Variants in HMCN2 observed in about 807,000 individuals in gnomAD.
HMCN2 encodes hemicentin-2.
HMCN2 carries 325 observed loss-of-function variants against 377.5 expected under a neutral mutation model. That is an observed-to-expected ratio of 0.86 (90% CI 0.79 to 0.94). HMCN2 has a LOEUF of 0.94. Among genes scored for constraint, HMCN2 ranks in the 40% least tolerant of loss-of-function variants. HMCN2 has a pLI of 0.00. For synonymous variants in HMCN2, 2,007 were observed against 2,046.8 expected (o/e 0.98, Z 0.53); for missense variants, 4,543 against 4,725.3 (o/e 0.96, Z 1.13).
At chr9:130,431,601 T>G in intron 96 of HMCN2, 115 bp downstream of exon 96, 1 of 1,413,250 alleles carries the variant, frequency 7.1e-7, no homozygotes. Context: ...ACAACTATCC[T>G]GTGAGGTGGG....
intron 4 of HMCN2, among the ~76,000 whole-genome samples, chr9:130,287,978 T>A (rs1554928620): frequency 1.3e-5 from 2 of 152,216 alleles, no homozygotes; most frequent in African/African-American, 4.8e-5. Context: ...CAGATGGCGT[T>A]TATGGTTCTC....
rs556947406 is a variant in HMCN2, at chr9:130,387,893, A to C, written c.9392-516A>C. Among the ~76,000 whole-genome samples the C allele has an allele frequency of 1.2e-4, 19 of 152,358 alleles. No individual in the cohort carries two copies. The South Asian group carries it at 3.9e-3, about 32-fold the overall frequency. ...GGAGTTTGAGATCAGACTGGGCGAC[A>C]TAGTGAGAAGCTTGAATCTACAAAA... On this transcript the variant is annotated intron_variant, in intron 61 of 97. Coordinates refer to ENST00000683500, the MANE Select transcript of HMCN2 (RefSeq NM_001291815.2).
intron 31 of HMCN2, 111 bp from the exon 32 acceptor site, chr9:130,354,652 G>T: frequency 1.1e-6 from 1 of 942,564 alleles, no homozygotes; most frequent in Non-Finnish European, 1.4e-6. Flanking sequence ...GGAAGGAAGT[G>T]TTTCACATGG....
Position 130,377,742 on chromosome 9 carries a change from T to C in HMCN2, c.8155T>C (p.Cys2719Arg). ...GGTCTCAGACTCGGGGCGGTACCTG[T>C]GTGTGGCCACCAATGTGGCTGGCGA... ...TQVSDSGRYL[C>R]VATNVAGEDD... Residue 2719 changes from cysteine to arginine, a missense_variant, in exon 53 of 98, where the codon TGT becomes CGT. By Grantham distance (180) the Cys-to-Arg change is radical (BLOSUM62 -3). This residue lies in a region of HMCN2 where 736 missense variants were observed against 773.2 expected (regional missense o/e 0.95). Transcript: ENST00000683500. 1.0e-6 allele frequency: 1 copy of C among 985,876 alleles called. No individual in the cohort carries two copies. The highest frequency in any genetic ancestry group is 1.2e-6 in the Non-Finnish European group (1 of 829,962). 61.1% of individuals were successfully genotyped at this position (985,876 alleles called of 1,614,324 possible). A position where few individuals can be genotyped will look rare whatever the true frequency, so the allele number is the denominator to read the frequency against.
chr9:130,310,886 C>G (rs1229924246), intron 15 of HMCN2, among the ~76,000 whole-genome samples: 1 of 152,180 alleles, frequency 6.6e-6, no homozygotes, highest in Non-Finnish European at 1.5e-5. Flanking sequence ...TACTCCCCTC[C>G]TTGGGTTGCT....
At chr9:130,291,235 G>A (rs1165777290) in intron 4 of HMCN2, among the ~76,000 whole-genome samples, 2 of 152,110 alleles carry the variant, frequency 1.3e-5, no homozygotes, top group African/African-American at 2.4e-5. Context: ...TTGTGATGGA[G>A]TTTTGCTCTT....
intron 75 of HMCN2, among the ~76,000 whole-genome samples, chr9:130,399,288 A>G (rs1355649000): frequency 6.6e-6 from 1 of 152,136 alleles, no homozygotes; most frequent in Non-Finnish European, 1.5e-5. Context: ...CATTTTTAAA[A>G]ATTGGAAAAC....
rs1003509227 is a variant in HMCN2 at position 130,385,642 on chromosome 9, C to T, written c.9189C>T (p.Cys3063=). ...VRVGDKAVLS[C]ETDALPEPTV... ...TCGGGGACAAAGCTGTCCTGAGCTG[C>T]GAGACAGATGCGCTCCCTGAGCCAA... The change falls in exon 60 of 98, where the codon TGC becomes TGT. Residue 3063 remains cysteine, a synonymous_variant. Coordinates refer to ENST00000683500, the MANE Select transcript of HMCN2 (RefSeq NM_001291815.2). 64 of 1,304,194 alleles carry T rather than the reference C, an allele frequency of 4.9e-5. No individual in the cohort carries two copies. Among genetic ancestry groups the T allele is most frequent in the Admixed American group, 2.5e-4 (11 of 43,560 alleles). 80.8% of individuals were successfully genotyped at this position (1,304,194 alleles called of 1,614,324 possible). A position where few individuals can be genotyped will look rare whatever the true frequency, so the allele number is the denominator to read the frequency against.
intron 80 of HMCN2, 49 bp from the exon 81 acceptor site, chr9:130,404,820 A>C: frequency 4.3e-6 from 5 of 1,170,464 alleles, no homozygotes; most frequent in Non-Finnish European, 5.4e-6. Context: ...GGATGGTGTC[A>C]GCCGCCTCCC....
chr9:130,314,171 G>A (rs1403820772), intron 15 of HMCN2, among the ~76,000 whole-genome samples: 1 of 152,136 alleles, frequency 6.6e-6, no homozygotes, highest in African/African-American at 2.4e-5. Context: ...GGGCCGAGCT[G>A]GGGAACAGGA....
rs530827122 is a variant in HMCN2 at position 130,397,514 on chromosome 9, C to T, written c.11199-14C>T. On this transcript the variant is annotated splice_polypyrimidine_tract_variant and intron_variant, in intron 73 of 97. Coordinates refer to ENST00000683500, the MANE Select transcript of HMCN2 (RefSeq NM_001291815.2). ...TGGCTTGCTCATCTCCAGGGCAACC[C>T]CCATCCATTCTAGGTTTGAAATTCT... 6.2e-6 allele frequency: 8 copies of T among 1,289,734 alleles called. No individual in the cohort carries two copies. Among genetic ancestry groups the T allele is most frequent in the East Asian group, 5.6e-5 (1 of 18,018 alleles). 79.9% of individuals were successfully genotyped at this position (1,289,734 alleles called of 1,614,324 possible).
At position 130,349,117 on chromosome 9, in the gene HMCN2, A is replaced by G. The variant is rs779560220; in HGVS notation, c.4289A>G (p.His1430Arg). 20 of 1,304,040 alleles carry G rather than the reference A, an allele frequency of 1.5e-5. No homozygotes were observed. The highest frequency in any genetic ancestry group is 4.3e-4 in the Middle Eastern group (2 of 4,696). The allele number at this position is 1,304,040 out of a possible 1,614,324, so 80.8% of individuals were successfully genotyped here. Residue 1430 changes from histidine to arginine, a missense_variant, in exon 28 of 98, where the codon CAT becomes CGT. By Grantham distance (29) the His-to-Arg change is conservative. Transcript: ENST00000683500. The stretch of plus-strand genomic sequence containing the variant: ...GCTGGCACCGCCCAGAGGGACTTCC[A>G]TCTCCTTGTGCTCAGTGAGTGAGAC... Reference protein sequence around the residue: ...NQAGTAQRDFHLLVLTPPSVL... With the variant: ...NQAGTAQRDFRLLVLTPPSVL...
rs1325616543 is a variant in HMCN2 at position 130,393,470 on chromosome 9, T to A, written c.10234+161T>A. Among the ~76,000 whole-genome samples the A allele has an allele frequency of 6.6e-6, 1 of 152,232 alleles. No homozygotes were observed. Among genetic ancestry groups the A allele is most frequent in the African/African-American group, 2.4e-5 (1 of 41,462 alleles). ...GTCTCTGACTCACTGTATTGCTCGT[T>A]TGTACCTCACAAGTGGCTGTGGGCA... On this transcript the variant is annotated intron_variant, in intron 67 of 97. Coordinates refer to ENST00000683500, the MANE Select transcript of HMCN2 (RefSeq NM_001291815.2). The surrounding 1 kb of genome is among the most constrained non-coding windows in gnomAD (Gnocchi z 5.2).
rs917364377 is a variant in HMCN2 at position 130,352,959 on chromosome 9, G to A, written c.4618G>A (p.Gly1540Ser). ...PPTIWGSNET[G>S]EVAVMEDHLV... is the part of the protein sequence containing the mutation. Reference sequence around the variant, plus strand: ...CACTATCTGGGGCTCCAACGAGACAGGCGAGGTGGCCGTCATGGAGGACCA... The same window carrying A: ...CACTATCTGGGGCTCCAACGAGACAAGCGAGGTGGCCGTCATGGAGGACCA... Residue 1540 changes from glycine to serine, a missense_variant, in exon 31 of 98, where the codon GGC becomes AGC. Gly to Ser is a moderately conservative substitution (Grantham distance 56). Transcript: ENST00000683500. 6.2e-6 allele frequency: 8 copies of A among 1,300,256 alleles called. No individual in the cohort carries two copies. Among genetic ancestry groups the A allele is most frequent in the Non-Finnish European group, 7.1e-6 (7 of 986,632 alleles). The allele number at this position is 1,300,256 out of a possible 1,614,324, so 80.5% of individuals were successfully genotyped here.
chr9:130,304,836 G>A lies in HMCN2; in HGVS notation c.1650G>A (p.Trp550Ter). ...VLGEAPYNLT[W>*]VRDWRVLPAS... ...GCGAGGCCCCCTACAACCTGACGTG[G>A]GTCCGGGACTGGCGAGTCCTGCCGG... The change falls in exon 11 of 98, where the codon TGG becomes TGA. Residue 550 changes from tryptophan to a stop codon, truncating the protein, a stop_gained. Transcript: ENST00000683500. LOFTEE classifies it high-confidence loss of function. This position sits in a 1 kb window ranked among gnomAD's most constrained non-coding sequence, Gnocchi z 4.3. 2.1e-6 allele frequency: 1 copy of A among 471,142 alleles called. No individual in the cohort carries two copies. The highest frequency in any genetic ancestry group is 1.5e-5 in the South Asian group (1 of 64,566). The allele number at this position is 471,142 out of a possible 1,614,324, so 29.2% of individuals were successfully genotyped here. A position where few individuals can be genotyped will look rare whatever the true frequency, so the allele number is the denominator to read the frequency against.
chr9:130,351,170 T>C lies in HMCN2; in HGVS notation c.4431-253T>C, dbSNP rs1023413071. ...GTCTGGCTTCTTCCACTCGGCATAT[T>C]TTCCAGGTTCATCCATACTGTGGCA... On this transcript the variant is annotated intron_variant, in intron 29 of 97. Transcript: ENST00000683500. The surrounding 1 kb of genome is among the most constrained non-coding windows in gnomAD (Gnocchi z 5.4). 2.0e-5 allele frequency among the ~76,000 whole-genome samples: 3 copies of C among 152,184 alleles called. No homozygotes were observed. The highest frequency in any genetic ancestry group is 7.2e-5 in the African/African-American group (3 of 41,444).
In HMCN2 at chr9:130,369,034, C is replaced by G. The variant is rs929827617; in HGVS notation, c.6788-536C>G. ...GCAGCAGCACAGTCCCTAAGGGCCC[C>G]CCAGTGGTCCAGAGGAGAAAAGCCA... On this transcript the variant is annotated intron_variant, in intron 44 of 97. Coordinates refer to ENST00000683500, the MANE Select transcript of HMCN2 (RefSeq NM_001291815.2). This position sits in a 1 kb window ranked among gnomAD's most constrained non-coding sequence, Gnocchi z 4.5. Among the ~76,000 whole-genome samples, 9 of 152,156 alleles carry G rather than the reference C, an allele frequency of 5.9e-5. No homozygotes were observed. The highest frequency in any genetic ancestry group is 2.2e-4 in the African/African-American group (9 of 41,398).
intron 83 of HMCN2, 63 bp from the exon 84 acceptor site, chr9:130,408,680 A>G: frequency 8.3e-7 from 1 of 1,203,236 alleles, no homozygotes; most frequent in Non-Finnish European, 1.1e-6. Context: ...TTTGGGGTTT[A>G]TGGGAGGCTG....
At chr9:130,318,447 C>T (rs1314404849) in intron 15 of HMCN2, among the ~76,000 whole-genome samples, 2 of 152,182 alleles carry the variant, frequency 1.3e-5, no homozygotes, top group African/African-American at 2.4e-5. Flanking sequence ...CCACTTGGCT[C>T]GGACTGGCTC....
Sources: gnomAD v4.1 joint callset for allele counts (sites outside exome capture counted in the v4.1 genomes callset) on GRCh38, gnomAD v4.1.1 for gene constraint, gnomAD v4.1.1 regional missense constraint, Gnocchi (gnomAD v3.1) non-coding constraint, MANE v1.5 for transcripts, NCBI Gene and HGNC (gene_info 2026-07-23, HGNC 2026-07-21) for gene names.